DMRT1: variants seen among roughly 807,000 people sequenced by gnomAD.
The protein encoded by DMRT1 is doublesex and mab-3 related transcription factor 1.
In DMRT1, 7 loss-of-function variants were observed where a neutral mutation model predicts 32.3. That is an observed-to-expected ratio of 0.22 (90% confidence interval 0.12 to 0.41). DMRT1 has a LOEUF of 0.41. Among genes scored for constraint, DMRT1 ranks in the 10% least tolerant of loss-of-function variants. The pLI, the probability that DMRT1 is intolerant of heterozygous loss-of-function variation, is 1.00. For missense variants in DMRT1, 625 were observed against 500.5 expected, an observed-to-expected ratio of 1.25 and a Z score of -2.37; for synonymous variants, 278 against 206.1, an observed-to-expected ratio of 1.35 and a Z score of -2.99.
chr9:929,004 A>AT (rs1380809875), intron 4 of DMRT1, among the ~76,000 whole-genome samples: 1 of 151,920 alleles, frequency 6.6e-6, no homozygotes, highest in East Asian at 1.9e-4. Context: ...AGCCTGGCTA[A>AT]TTTTTTGTAT....
At chr9:942,460 A>G (rs1282451512) in intron 4 of DMRT1, among the ~76,000 whole-genome samples, 1 of 151,994 alleles carries the variant, frequency 6.6e-6, no homozygotes, top group African/African-American at 2.4e-5. Context: ...TTTTGTAGCG[A>G]TGGGGTTTAG....
Position 916,889 on chromosome 9 carries a change from C to A in DMRT1, c.949C>A (p.Pro317Thr). The stretch of plus-strand genomic sequence containing the variant: ...CACTTTTGAGGATGCTCCCTCTTAC[C>A]CGGAAGCCAGGGCGAGCGGTAGGTG... The part of the protein sequence containing the change: ...FFTFEDAPSY[P>T]EARASVFSPP... The change falls in exon 4 of 5, where the codon CCG (proline) becomes ACG (threonine). Residue 317 changes from proline to threonine, a missense_variant. Physicochemically the swap from Pro to Thr is conservative, Grantham distance 38. Coordinates refer to ENST00000382276, the MANE Select transcript of DMRT1 (RefSeq NM_021951.3). 1.2e-6 allele frequency: 2 copies of A among 1,614,148 alleles called. No individual in the cohort carries two copies. The highest frequency in any genetic ancestry group is 1.7e-6 in the Non-Finnish European group (2 of 1,180,034).
chr9:857,508 A>G (rs925426594), intron 2 of DMRT1, among the ~76,000 whole-genome samples: 1 of 152,138 alleles, frequency 6.6e-6, no homozygotes, highest in Non-Finnish European at 1.5e-5. Flanking sequence ...ATTGGTATCT[A>G]TAGGAAGGGC....
chr9:916,433 CAGCCACGG>C (rs1447314720), intron 3 of DMRT1, among the ~76,000 whole-genome samples: 1 of 151,982 alleles, frequency 6.6e-6, no homozygotes, highest in Non-Finnish European at 1.5e-5. Flanking sequence ...GTAGTGCAAG[CAGCCACGG>C]CTCACTACAG....
At chr9:904,550 A>G (rs1456196645) in intron 3 of DMRT1, among the ~76,000 whole-genome samples, 3 of 152,216 alleles carry the variant, frequency 2.0e-5, no homozygotes, top group Admixed American at 2.0e-4. Flanking sequence ...TCCTTTATGC[A>G]TTTGTTGATT....
rs279898 is a variant in DMRT1, at chr9:965,191, C to T, written c.968-2794C>T. 0.89 allele frequency among the ~76,000 whole-genome samples: 135,263 copies of T among 152,244 alleles called. 60,341 individuals carry two copies. Among genetic ancestry groups the T allele is most frequent in the East Asian group, 1 (5,154 of 5,164 alleles). The stretch of plus-strand genomic sequence containing the variant: ...AGGAAAAACACACTAAATCTTTTCA[C>T]GTACCTAGAACTCTATGAGGGGCTA... On this transcript the variant is annotated intron_variant, in intron 4 of 4. Transcript: ENST00000382276. This position sits in a 1 kb window ranked among gnomAD's most constrained non-coding sequence, Gnocchi z 4.5.
In DMRT1 at chr9:930,558, G is replaced by A. The variant is rs181478086; in HGVS notation, c.967+13651G>A. On this transcript the variant is annotated intron_variant, in intron 4 of 4. Transcript: ENST00000382276. The stretch of plus-strand genomic sequence containing the variant: ...TGAGTAGCTGGGGCTACAGGCGCCC[G>A]CCACCATGCCCAGCAAATCCTTTGT... 3.0e-3 allele frequency among the ~76,000 whole-genome samples: 454 copies of A among 152,034 alleles called. 2 individuals carry two copies. Among genetic ancestry groups the A allele is most frequent in the African/African-American group, 8.7e-3 (360 of 41,412 alleles).
At chr9:875,900 C>T (rs1291187640) in intron 2 of DMRT1, among the ~76,000 whole-genome samples, 5 of 152,078 alleles carry the variant, frequency 3.3e-5, no homozygotes, top group South Asian at 2.1e-4. Context: ...TAGCTGCGTC[C>T]GGTGTTTAAA....
At chr9:893,884 T>A in intron 2 of DMRT1, 28 bp from the exon 3 acceptor site, 1 of 1,605,284 alleles carries the variant, frequency 6.2e-7, no homozygotes, top group Non-Finnish European at 8.5e-7. Flanking sequence ...AATACCATGT[T>A]GTATTTTTCT....
In DMRT1 at chr9:967,939, A is replaced by ACTCCCTTTCTCCCTTT. The variant is rs112866575; in HGVS notation, c.968-42_968-27dup. ...ATAAAGACCAGCCACTTTTAACATT[A>ACTCCCTTTCTCCCTTT]CTCCCTTTCTCCCTTTCTCTCTTTC... On this transcript the variant is annotated intron_variant, in intron 4 of 4. Transcript: ENST00000382276. 1.1e-5 allele frequency: 16 copies of ACTCCCTTTCTCCCTTT among 1,400,628 alleles called. No individual in the cohort carries two copies. In the East Asian group the frequency reaches 1.8e-4, roughly 16 times the overall value. 86.8% of individuals were successfully genotyped at this position (1,400,628 alleles called of 1,614,324 possible).
At chr9:950,347 C>G (rs184015549) in intron 4 of DMRT1, among the ~76,000 whole-genome samples, 1 of 152,132 alleles carries the variant, frequency 6.6e-6, no homozygotes, top group African/African-American at 2.4e-5. Flanking sequence ...CAGGAGGCAG[C>G]GTGAGGAACA....
At chr9:910,529 T>TA (rs903803527) in intron 3 of DMRT1, among the ~76,000 whole-genome samples, 1 of 150,706 alleles carries the variant, frequency 6.6e-6, no homozygotes, top group Non-Finnish European at 1.5e-5. Flanking sequence ...TTTTTTTTTT[T>TA]AAAAAAAGAA....
At chr9:890,615 G>A (rs1817108173) in intron 2 of DMRT1, among the ~76,000 whole-genome samples, 1 of 152,116 alleles carries the variant, frequency 6.6e-6, no homozygotes, top group African/African-American at 2.4e-5. Flanking sequence ...CCAGTGGATG[G>A]TTTCTGGGCA....
intron 4 of DMRT1, among the ~76,000 whole-genome samples, chr9:936,406 A>G (rs987351394): frequency 2.6e-5 from 4 of 151,952 alleles, no homozygotes; most frequent in Middle Eastern, 3.4e-3. Context: ...TTGATGGGCC[A>G]TTGTCTTCTT....
chr9:921,662 T>TAA (rs928917032), intron 4 of DMRT1, among the ~76,000 whole-genome samples: 1 of 152,080 alleles, frequency 6.6e-6, no homozygotes, highest in East Asian at 1.9e-4. Flanking sequence ...GTTTTCCATT[T>TAA]AAAAAAACAG....
chr9:865,997 C>T (rs12376415), intron 2 of DMRT1, among the ~76,000 whole-genome samples: 2 of 151,768 alleles, frequency 1.3e-5, no homozygotes, highest in Non-Finnish European at 2.9e-5. Flanking sequence ...AACCCTGTCT[C>T]TACTAAAAAT....
chr9:938,832 C>T (rs569335832), intron 4 of DMRT1, among the ~76,000 whole-genome samples: 2 of 152,318 alleles, frequency 1.3e-5, no homozygotes, highest in African/African-American at 2.4e-5. Context: ...TGGAGGAAAG[C>T]ATTATTATTT....
chr9:964,036 A>G (rs563097711), intron 4 of DMRT1, among the ~76,000 whole-genome samples: 6 of 152,356 alleles, frequency 3.9e-5, no homozygotes, highest in African/African-American at 1.4e-4. Context: ...AGTGTTTAAC[A>G]TATAGAGGAA....
chr9:930,759 G>A (rs982087855), intron 4 of DMRT1, among the ~76,000 whole-genome samples: 1 of 140,628 alleles, frequency 7.1e-6, no homozygotes, highest in Non-Finnish European at 1.5e-5. Context: ...GTCTAGGCTG[G>A]TCTCAAACTC....
Sources: allele counts gnomAD v4.1 joint callset (sites outside exome capture counted in the v4.1 genomes callset), GRCh38; gene constraint gnomAD v4.1.1; non-coding constraint Gnocchi (gnomAD v3.1); transcripts MANE v1.5; gene names NCBI Gene and HGNC (gene_info 2026-07-23, HGNC 2026-07-21).